MGST2: variants seen among roughly 807,000 people sequenced by gnomAD.
MGST2 encodes the protein microsomal glutathione S-transferase 2.
Under a neutral mutation model 16.6 loss-of-function variants are expected in MGST2, and 9 were observed. The observed-to-expected ratio is 0.54, with a 90% confidence interval of 0.33 to 0.95. MGST2 has a LOEUF of 0.95. MGST2 is among the 40% of genes least tolerant of loss of function. The pLI is 0.03. For synonymous variants in MGST2, 79 were observed against 68.0 expected (o/e 1.16, Z -0.79); for missense variants, 159 against 175.1 (o/e 0.91, Z 0.52).
intron 3 of MGST2, among the ~76,000 whole-genome samples, chr4:139,695,865 GT>G (rs1048352361): frequency 3.4e-4 from 52 of 152,152 alleles, no homozygotes; most frequent in African/African-American, 1.2e-3. Context: ...CAATGGAGGG[GT>G]TGGGGTGCTG....
chr4:139,672,478 T>C (rs1234519348), intron 1 of MGST2, among the ~76,000 whole-genome samples: 1 of 152,036 alleles, frequency 6.6e-6, no homozygotes, highest in Non-Finnish European at 1.5e-5. Flanking sequence ...GAGCCCAGGG[T>C]TGGAGACAGT....
intron 5 of MGST2, chr4:139,719,529 G>T: frequency 6.2e-7 from 1 of 1,613,934 alleles, no homozygotes. Context: ...CTGCCACTGG[G>T]TATCTGCTGC....
chr4:139,730,916 T>C, intron 5 of MGST2: 1 of 562,482 alleles, frequency 1.8e-6, no homozygotes, highest in Non-Finnish European at 3.2e-6. Flanking sequence ...GTCCAGTCTG[T>C]TTCGGATGGG....
chr4:139,687,518 G>A (rs1351130801), intron 2 of MGST2: 1 of 152,162 alleles, frequency 6.6e-6, no homozygotes, highest in Non-Finnish European at 1.5e-5. Context: ...TGGCTCTCCT[G>A]GACCAGAAGC....
intron 3 of MGST2, among the ~76,000 whole-genome samples, chr4:139,695,887 C>CCACA (rs140259326): frequency 6.6e-6 from 1 of 151,966 alleles, no homozygotes; most frequent in African/African-American, 2.4e-5. Context: ...ACCCCCCGCC[C>CCACA]CACACACACA....
intron 5 of MGST2, chr4:139,718,034 A>AT (rs1194223811): frequency 6.6e-6 from 1 of 151,948 alleles, no homozygotes; most frequent in Non-Finnish European, 1.5e-5. Context: ...CCTCTCTGGG[A>AT]TTTTATATTT....
chr4:139,719,669 G>C (rs750494351), intron 5 of MGST2: 1 of 1,613,210 alleles, frequency 6.2e-7, no homozygotes, highest in Admixed American at 1.7e-5. Context: ...ACCCATGGCA[G>C]CTGGGTTGAG....
At chr4:139,725,859 G>T (rs1728451715) in intron 5 of MGST2, 1 of 1,596,956 alleles carries the variant, frequency 6.3e-7, no homozygotes. Context: ...ACACAAGAGG[G>T]GTGGAGAGGT....
intron 2 of MGST2, among the ~76,000 whole-genome samples, chr4:139,684,216 G>A (rs150065009): frequency 3.3e-4 from 50 of 152,218 alleles, no homozygotes; most frequent in South Asian, 2.3e-3. Flanking sequence ...ATGAACCACC[G>A]TACCCGGCCT....
intron 2 of MGST2, among the ~76,000 whole-genome samples, chr4:139,688,657 G>T (rs1726383054): frequency 6.6e-6 from 1 of 152,002 alleles, no homozygotes; most frequent in Admixed American, 6.6e-5. Context: ...GATTTTTCAG[G>T]TATTGTGCAA....
chr4:139,714,636 TTAATC>T (rs768572608), intron 5 of MGST2, among the ~76,000 whole-genome samples: 8 of 152,224 alleles, frequency 5.3e-5, no homozygotes, highest in Admixed American at 1.3e-4. Flanking sequence ...CCTGTCATCT[TTAATC>T]TAACCTCCGA....
chr4:139,685,024 A>G (rs190206076), intron 2 of MGST2: 5 of 152,356 alleles, frequency 3.3e-5, no homozygotes, highest in East Asian at 1.9e-4. Flanking sequence ...GGGGTGCCCA[A>G]TTCCTGAGCT....
At chr4:139,730,366 A>C (rs1728650398) in intron 5 of MGST2, 1 of 1,516,330 alleles carries the variant, frequency 6.6e-7, no homozygotes, top group African/African-American at 1.4e-5. Flanking sequence ...GCAGGTGCTG[A>C]ATAAGTGCTT....
At chr4:139,671,948 T>G (rs1208518293) in intron 1 of MGST2, among the ~76,000 whole-genome samples, 2 of 152,130 alleles carry the variant, frequency 1.3e-5, no homozygotes, top group Non-Finnish European at 1.5e-5. Context: ...GGCCCCACTC[T>G]CATCATATTA....
intron 5 of MGST2, among the ~76,000 whole-genome samples, chr4:139,712,250 A>C (rs1192710906): frequency 3.9e-5 from 6 of 152,184 alleles, no homozygotes. Context: ...AGACTTTTAC[A>C]TTACCCATCC....
intron 1 of MGST2, among the ~76,000 whole-genome samples, chr4:139,666,971 C>T (rs1435688220): frequency 6.6e-6 from 1 of 152,178 alleles, no homozygotes. Context: ...CCTTCAGACT[C>T]ACGTTTTGTG....
chr4:139,706,576 T>G (rs1414295075), downstream of MGST2, among the ~76,000 whole-genome samples: 1 of 152,228 alleles, frequency 6.6e-6, no homozygotes, highest in Non-Finnish European at 1.5e-5. Context: ...TTCATAACCA[T>G]GTCCTTTGCA....
intron 1 of MGST2, among the ~76,000 whole-genome samples, chr4:139,670,560 T>C (rs767794474): frequency 6.6e-6 from 1 of 152,168 alleles, no homozygotes; most frequent in Non-Finnish European, 1.5e-5. Flanking sequence ...GATTTGCAGT[T>C]GTTAAAGGAG....
chr4:139,680,020 C>A (rs1731154890), intron 2 of MGST2, among the ~76,000 whole-genome samples: 3 of 152,296 alleles, frequency 2.0e-5, no homozygotes, highest in African/African-American at 7.2e-5. Flanking sequence ...CTAGAGATAA[C>A]CCTTTTTGAT....
Sources: gnomAD v4.1 joint callset for allele counts (sites outside exome capture counted in the v4.1 genomes callset) on GRCh38, gnomAD v4.1.1 for gene constraint, MANE v1.5 for transcripts, NCBI Gene and HGNC (gene_info 2026-07-23, HGNC 2026-07-21) for gene names.